Variants in CCNG1 observed in about 807,000 individuals in gnomAD.
CCNG1 encodes the protein cyclin G1, also known as cyclin-G1.
CCNG1 carries 13 observed loss-of-function variants against 30.0 expected under a neutral mutation model. That is an observed-to-expected ratio of 0.43 (90% CI 0.28 to 0.69). CCNG1 has a LOEUF of 0.69. CCNG1 is among the 30% of genes least tolerant of loss of function. The pLI is 0.16. For synonymous variants in CCNG1, 110 were observed against 121.5 expected (o/e 0.91, Z 0.62); for missense variants, 285 against 331.4 (o/e 0.86, Z 1.09).
intron 6 of CCNG1, 45 bp from the exon 7 acceptor site, chr5:163,443,629 G>A: frequency 1.9e-6 from 2 of 1,041,530 alleles, no homozygotes; most frequent in South Asian, 1.4e-5. Context: ...TAGGCAGACT[G>A]GCTTCTGTTA....
At chr5:163,456,613 G>A in the CCNG1 span, among the ~76,000 whole-genome samples, 1 of 152,094 alleles carries the variant, frequency 6.6e-6, no homozygotes, top group Non-Finnish European at 1.5e-5. Flanking sequence ...TGGTGGTGAA[G>A]GGGCCTTTCA....
At position 163,442,118 on chromosome 5, in the gene CCNG1, T is replaced by C. The variant is rs750004397; in HGVS notation, c.671T>C (p.Ile224Thr). The C allele has an allele frequency of 8.7e-6, 14 of 1,609,776 alleles. No individual in the cohort carries two copies. Among genetic ancestry groups the C allele is most frequent in the Admixed American group, 1.7e-5 (1 of 59,936 alleles). ...AAGTGTGTAGAGTTAACAGAAGGAATAGAATGTCTTCAGAAACATTCCAAG... is the reference window on the plus strand; with the variant it reads ...AAGTGTGTAGAGTTAACAGAAGGAACAGAATGTCTTCAGAAACATTCCAAG... ...AQKCVELTEG[I>T]ECLQKHSKIN... Residue 224 changes from isoleucine to threonine, a missense_variant, in exon 5 of 7, where the codon ATA becomes ACA. Transcript: ENST00000340828.
At chr5:163,454,436 G>A in the CCNG1 span, among the ~76,000 whole-genome samples, 35 of 152,278 alleles carry the variant, frequency 2.3e-4, no homozygotes, top group African/African-American at 6.7e-4. Flanking sequence ...CTGCCTCCCA[G>A]GTTCAAGCGA....
chr5:163,445,328 TTTG>T (rs1275168546), downstream of CCNG1, among the ~76,000 whole-genome samples: 2 of 151,942 alleles, frequency 1.3e-5, no homozygotes, highest in Non-Finnish European at 2.9e-5. Flanking sequence ...GACACTTTGT[TTTG>T]TTTTTTCTGA....
chr5:163,441,976 A>T lies in CCNG1; in HGVS notation c.597+12A>T. ...TTTCTAAAGCAAAGGTAAATATTTT[A>T]TAAAGATTATGCCTATTGATATGAT... On this transcript the variant is annotated intron_variant, in intron 4 of 6. Coordinates refer to ENST00000340828, the MANE Select transcript of CCNG1 (RefSeq NM_004060.4). The T allele has an allele frequency of 6.3e-7, 1 of 1,591,688 alleles. No homozygotes were observed. Among genetic ancestry groups the T allele is most frequent in the African/African-American group, 1.3e-5 (1 of 74,506 alleles).
the CCNG1 span, among the ~76,000 whole-genome samples, chr5:163,455,659 G>A: frequency 1.3e-5 from 2 of 151,804 alleles, no homozygotes; most frequent in African/African-American, 4.8e-5. Flanking sequence ...AGCTACTCGG[G>A]AGGCTGAGGC....
the CCNG1 span, chr5:163,457,183 G>A: frequency 8.1e-7 from 1 of 1,239,572 alleles, no homozygotes; most frequent in South Asian, 1.6e-5. Flanking sequence ...CCAGGCTGGA[G>A]TGCAGCGGCT....
In CCNG1 at chr5:163,441,925, G is replaced by A. The variant is rs370703875; in HGVS notation, c.558G>A (p.Leu186=). 7 of 1,609,928 alleles carry A rather than the reference G, an allele frequency of 4.3e-6. No individual in the cohort carries two copies. The highest frequency in any genetic ancestry group is 4.0e-5 in the African/African-American group (3 of 74,952). ...ATTTTGAAAGACTAGAAGCTCAACT[G>A]AAGGCATGTCATTGCAGGATCATAT... ...SINFERLEAQ[L]KACHCRIIFS... The change falls in exon 4 of 7, where the codon CTG becomes CTA. Residue 186 remains leucine (L), a synonymous_variant. Coordinates refer to ENST00000340828, the MANE Select transcript of CCNG1 (RefSeq NM_004060.4).
At chr5:163,456,861 TTTCAAATA>T in the CCNG1 span, 2 of 1,079,988 alleles carry the variant, frequency 1.9e-6, no homozygotes, top group Non-Finnish European at 2.5e-6. Context: ...TGAGTTTTAA[TTTCAAATA>T]TTTATTTGAT....
At chr5:163,446,376 GAGAC>G (rs1280932501), downstream of CCNG1, 4 of 152,118 alleles carry the variant, frequency 2.6e-5, no homozygotes, top group Non-Finnish European at 5.9e-5. Flanking sequence ...AAATGAAAGA[GAGAC>G]AGAGAACCTA....
At chr5:163,450,884 T>C (rs1758160733), downstream of CCNG1, 1 of 152,112 alleles carries the variant, frequency 6.6e-6, no homozygotes, top group South Asian at 2.1e-4. Flanking sequence ...AGCCAAAGGG[T>C]GGAAATACCC....
chr5:163,457,005 T>C, the CCNG1 span: 1 of 1,613,676 alleles, frequency 6.2e-7, no homozygotes, highest in Non-Finnish European at 8.5e-7. Context: ...ATATTCAGAT[T>C]CTAGTAGAGA....
chr5:163,446,522 G>A (rs189894232), downstream of CCNG1: 1 of 152,270 alleles, frequency 6.6e-6, no homozygotes, highest in East Asian at 1.9e-4. Flanking sequence ...GGACTCAAGT[G>A]AAATTGCTTG....
rs1462113827 is a variant in CCNG1 at position 163,444,040 on chromosome 5, G to C, written c.*370G>C. The C allele has an allele frequency of 1.3e-5, 3 of 228,534 alleles. No individual in the cohort carries two copies. The highest frequency in any genetic ancestry group is 2.5e-5 in the Non-Finnish European group (3 of 117,912). The allele number at this position is 228,534 out of a possible 1,614,324, so 14.2% of individuals were successfully genotyped here. ...GTCACACTAATACTATCAACTATCA[G>C]TCTTCCCACAGCTTCAATCACTGTC... On this transcript the variant is annotated 3_prime_UTR_variant, in exon 7 of 7. Coordinates refer to ENST00000340828, the MANE Select transcript of CCNG1 (RefSeq NM_004060.4).
At chr5:163,441,509 G>A (rs747012555) in intron 3 of CCNG1, 178 bp downstream of exon 3, 20 of 560,572 alleles carry the variant, frequency 3.6e-5, no homozygotes, top group Middle Eastern at 4.7e-4. Flanking sequence ...CAATAGCTTC[G>A]TTAAAGCTAA....
chr5:163,443,315 A>G (rs1477553923), intron 6 of CCNG1, among the ~76,000 whole-genome samples: 1 of 151,088 alleles, frequency 6.6e-6, no homozygotes, highest in African/African-American at 2.4e-5. Flanking sequence ...CCGCCACAAA[A>G]AAAAAAAAAA....
At chr5:163,455,145 G>GAA in the CCNG1 span, among the ~76,000 whole-genome samples, 4 of 115,008 alleles carry the variant, frequency 3.5e-5, no homozygotes, top group Admixed American at 8.7e-5. Context: ...AAGTGACACA[G>GAA]AAAAAAAAAA....
At chr5:163,455,632 C>CG in the CCNG1 span, among the ~76,000 whole-genome samples, 1 of 150,650 alleles carries the variant, frequency 6.6e-6, no homozygotes, top group African/African-American at 2.4e-5. Context: ...TGCGTGGTGG[C>CG]GGGAGCCTAC....
downstream of CCNG1, chr5:163,447,117 G>T (rs1253977545): frequency 6.6e-6 from 1 of 152,158 alleles, no homozygotes; most frequent in African/African-American, 2.4e-5. Context: ...CACCAAGACA[G>T]TGCTAAAAGT....
Sources: gnomAD v4.1 joint callset for allele counts (sites outside exome capture counted in the v4.1 genomes callset) on GRCh38, gnomAD v4.1.1 for gene constraint, MANE v1.5 for transcripts, NCBI Gene and HGNC (gene_info 2026-07-23, HGNC 2026-07-21) for gene names.